The following DOCK1 variants were observed in gnomAD, a reference collection of about 807,000 sequenced individuals.
DOCK1 encodes the protein dedicator of cytokinesis 1.
DOCK1 carries 138 observed loss-of-function variants against 262.7 expected under a neutral mutation model. The observed-to-expected ratio is 0.53, with a 90% CI of 0.46 to 0.61. The LOEUF (loss-of-function observed/expected upper bound fraction) is 0.61, where lower values mean the gene tolerates loss of function less well. Ranked by LOEUF, DOCK1 falls within the 20% of genes least tolerant of loss-of-function variation. The probability of loss-of-function intolerance (pLI) is 0.00; values close to 1 mark genes in which losing one functional copy is unlikely to be tolerated. For missense variants in DOCK1, 1,908 were observed against 2,370.7 expected (o/e 0.80, Z 4.05); for synonymous variants, 866 against 867.4 (o/e 1.00, Z 0.03).
At chr10:127,299,371 TG>T (rs2061605982) in intron 29 of DOCK1, among the ~76,000 whole-genome samples, 1 of 152,208 alleles carries the variant, frequency 6.6e-6, no homozygotes, top group Non-Finnish European at 1.5e-5. Context: ...TCCAAAGTGC[TG>T]GGATTACAGG....
intron 37 of DOCK1, 69 bp from the exon 38 acceptor site, chr10:127,384,721 A>G (rs1350756093): frequency 1.4e-6 from 2 of 1,456,838 alleles, no homozygotes; most frequent in African/African-American, 2.9e-5. Flanking sequence ...TCCGATGCGA[A>G]GCTCACACCA....
At chr10:127,338,369 G>T (rs916369422) in intron 29 of DOCK1, among the ~76,000 whole-genome samples, 2 of 152,204 alleles carry the variant, frequency 1.3e-5, no homozygotes, top group Non-Finnish European at 2.9e-5. Context: ...TAAAGTCATG[G>T]TATTATAGAG....
rs35712812 is a variant in DOCK1, at chr10:127,150,990, G to C, written c.2847+23226G>C. On this transcript the variant is annotated intron_variant, in intron 27 of 51. Transcript: ENST00000623213. ...TCAAATGGGAGATTTCAATTCATGC[G>C]ATTCAAATTAAAATAACATGTTTAA... is the stretch of plus-strand genomic sequence containing the variant. 8.3e-4 allele frequency among the ~76,000 whole-genome samples: 127 copies of C among 152,266 alleles called. No individual in the cohort carries two copies. In the Middle Eastern group the frequency reaches 0.01, roughly 12 times the overall value.
At chr10:127,430,912 A>G (rs953733399) in intron 47 of DOCK1, among the ~76,000 whole-genome samples, 2 of 152,220 alleles carry the variant, frequency 1.3e-5, no homozygotes, top group Admixed American at 1.3e-4. Context: ...AGGCAGGGCC[A>G]GAGGATCGCT....
chr10:126,921,199 CA>C (rs34354732), intron 1 of DOCK1, among the ~76,000 whole-genome samples: 49,452 of 113,580 alleles, frequency 0.44, 9,092 homozygotes, highest in Middle Eastern at 0.67. Context: ...GACTCTATCT[CA>C]AAAAAAAAAA....
intron 27 of DOCK1, among the ~76,000 whole-genome samples, chr10:127,189,722 T>A (rs887839693): frequency 6.6e-6 from 1 of 152,200 alleles, no homozygotes; most frequent in African/African-American, 2.4e-5. Flanking sequence ...CAGCATTCCT[T>A]TAAGTTCACA....
At position 127,404,712 on chromosome 10, in the gene DOCK1, C is replaced by G. The variant is rs369143948; in HGVS notation, c.4122+283C>G. On this transcript the variant is annotated intron_variant, in intron 40 of 51. Coordinates refer to ENST00000623213, the MANE Select transcript of DOCK1 (RefSeq NM_001290223.2). ...GATATATGATATGTGATACTATTTGCCATCTTAGCCATTTTTAGGTGTGTA... is the reference window on the plus strand; with the variant it reads ...GATATATGATATGTGATACTATTTGGCATCTTAGCCATTTTTAGGTGTGTA... Among the ~76,000 whole-genome samples, 5 of 152,294 alleles carry G rather than the reference C, an allele frequency of 3.3e-5. No individual in the cohort carries two copies. In the East Asian group the frequency reaches 7.7e-4, roughly 24 times the overall value.
In DOCK1 at chr10:127,175,486, C is replaced by T. The variant is rs1285196920; in HGVS notation, c.2847+47722C>T. On this transcript the variant is annotated intron_variant, in intron 27 of 51. Transcript: ENST00000623213. The surrounding 1 kb of genome is among the most constrained non-coding windows in gnomAD (Gnocchi z 6.3). ...TGCATCGGGGGTGAGCAGGCCAGGG[C>T]AGTTTCCGAGGGCGCCTGGAGCCCG... 5 of 1,608,940 alleles carry T rather than the reference C, an allele frequency of 3.1e-6. No individual in the cohort carries two copies. The highest frequency in any genetic ancestry group is 3.4e-6 in the Non-Finnish European group (4 of 1,180,022).
chr10:127,183,959 A>G (rs1226972646), intron 27 of DOCK1, among the ~76,000 whole-genome samples: 2 of 152,142 alleles, frequency 1.3e-5, no homozygotes, highest in Non-Finnish European at 2.9e-5. Context: ...ACATGAAACC[A>G]TATCCTTCCC....
At chr10:127,421,819 G>A (rs1460799092) in intron 46 of DOCK1, among the ~76,000 whole-genome samples, 1 of 152,172 alleles carries the variant, frequency 6.6e-6, no homozygotes, top group Non-Finnish European at 1.5e-5. Context: ...CCTTTTTAAG[G>A]CTGAGTAATA....
At chr10:127,051,692 C>A (rs1470028245) in intron 21 of DOCK1, among the ~76,000 whole-genome samples, 1 of 152,146 alleles carries the variant, frequency 6.6e-6, no homozygotes, top group East Asian at 1.9e-4. Flanking sequence ...AAGTGATTCT[C>A]TTGCCTCAGC....
chr10:127,325,767 A>G (rs1395947711), intron 29 of DOCK1, among the ~76,000 whole-genome samples: 1 of 152,232 alleles, frequency 6.6e-6, no homozygotes, highest in African/African-American at 2.4e-5. Context: ...GGAAATGAGT[A>G]ATTCGTTTAC....
At chr10:127,386,916 A>G (rs950938036) in intron 38 of DOCK1, among the ~76,000 whole-genome samples, 2 of 152,180 alleles carry the variant, frequency 1.3e-5, no homozygotes, top group Non-Finnish European at 2.9e-5. Flanking sequence ...CTATAACTGT[A>G]CTAGGTTAGC....
At chr10:127,026,169 T>C (rs567154596) in intron 15 of DOCK1, 183 bp from the exon 16 acceptor site, 33 of 612,260 alleles carry the variant, frequency 5.4e-5, no homozygotes, top group African/African-American at 5.1e-4. Flanking sequence ...TGTTACAATA[T>C]GATACAAAAT....
intron 51 of DOCK1, among the ~76,000 whole-genome samples, chr10:127,448,225 C>CCCCT (rs1478796864): frequency 8.5e-5 from 13 of 152,222 alleles, no homozygotes; most frequent in African/African-American, 3.1e-4. Flanking sequence ...CCTGCTGGAA[C>CCCCT]CCCTCTTCAG....
intron 1 of DOCK1, among the ~76,000 whole-genome samples, chr10:126,957,010 G>A: frequency 6.6e-6 from 1 of 152,260 alleles, no homozygotes; most frequent in Admixed American, 6.5e-5. Flanking sequence ...AGGGAACATG[G>A]GCTCTCCCTG....
At chr10:127,387,814 C>T (rs2066215790) in intron 38 of DOCK1, among the ~76,000 whole-genome samples, 1 of 150,958 alleles carries the variant, frequency 6.6e-6, no homozygotes, top group Admixed American at 6.6e-5. Context: ...TCATGTATGG[C>T]AGGACAGGTG....
chr10:126,924,994 C>T (rs2033573027), intron 1 of DOCK1, among the ~76,000 whole-genome samples: 2 of 152,258 alleles, frequency 1.3e-5, no homozygotes, highest in Non-Finnish European at 2.9e-5. Context: ...GGTGCATCAG[C>T]TTTGCAGATT....
intron 23 of DOCK1, among the ~76,000 whole-genome samples, chr10:127,075,287 G>A (rs557122098): frequency 5.3e-5 from 8 of 149,626 alleles, no homozygotes; most frequent in African/African-American, 2.0e-4. Flanking sequence ...TTTGATTGAC[G>A]TACTGAGACC....
Sources: allele counts gnomAD v4.1 joint callset (sites outside exome capture counted in the v4.1 genomes callset), GRCh38; gene constraint gnomAD v4.1.1; non-coding constraint Gnocchi (gnomAD v3.1); transcripts MANE v1.5; gene names NCBI Gene and HGNC (gene_info 2026-07-23, HGNC 2026-07-21).